Variants in DKK3 observed in about 807,000 individuals in gnomAD.
DKK3 encodes dickkopf-related protein 3.
A neutral mutation model predicts 33.2 loss-of-function variants in DKK3; 22 were observed. The observed-to-expected ratio is 0.66, with a 90% CI of 0.47 to 0.95. DKK3 has a LOEUF of 0.95. Among genes scored for constraint, DKK3 ranks in the 40% least tolerant of loss-of-function variants. DKK3 has a pLI of 0.00. For missense variants in DKK3, 398 were observed against 458.4 expected (o/e 0.87, Z 1.20); for synonymous variants, 194 against 188.8 (o/e 1.03, Z -0.23).
At position 11,987,646 on chromosome 11, in the gene DKK3, G is replaced by T. The variant is rs561111578; in HGVS notation, c.435+11050C>A. ...GTATGGCAGTGGATGGGCCACATGT[G>T]TTCCTTCCTGGTTCAGAGGAGTTCA... On this transcript the variant is annotated intron_variant, in intron 3 of 6. Transcript: ENST00000683431. 1.6e-3 allele frequency among the ~76,000 whole-genome samples: 240 copies of T among 152,348 alleles called. 1 individual carries two copies. The highest frequency in any genetic ancestry group is 2.7e-3 in the Non-Finnish European group (183 of 68,030).
intron 2 of DKK3, among the ~76,000 whole-genome samples, chr11:12,000,111 T>A (rs887987733): frequency 2.6e-5 from 4 of 152,254 alleles, no homozygotes; most frequent in African/African-American, 9.6e-5. Context: ...AAGAAGAATA[T>A]AAGTTTTCCA....
At position 11,965,796 on chromosome 11, in the gene DKK3, TA is replaced by T; in HGVS notation, c.830+12del. 1.2e-6 allele frequency: 2 copies of T among 1,613,126 alleles called. No individual in the cohort carries two copies. Among genetic ancestry groups the T allele is most frequent in the East Asian group, 4.5e-5 (2 of 44,882 alleles). ...CCCTTGGCTCCCTGAGAGTGAGGGT[TA>T]GGGGGCCTCACCTGTGGGGCTGGCA... On this transcript the variant is annotated intron_variant, in intron 6 of 6. Coordinates refer to ENST00000683431, the MANE Select transcript of DKK3 (RefSeq NM_001018057.2).
At chr11:12,004,240 G>C (rs1848492584) in intron 1 of DKK3, among the ~76,000 whole-genome samples, 1 of 152,162 alleles carries the variant, frequency 6.6e-6, no homozygotes, top group African/African-American at 2.4e-5. Flanking sequence ...ATAATACTGA[G>C]CTTCTCAGCT....
upstream of DKK3, chr11:12,009,347 C>A: frequency 3.4e-6 from 3 of 888,734 alleles, no homozygotes; most frequent in Non-Finnish European, 4.0e-6. Flanking sequence ...GCGCCCCGCC[C>A]GCCCACCAGG....
chr11:11,966,457 C>T (rs930614341), intron 5 of DKK3, among the ~76,000 whole-genome samples: 2 of 152,084 alleles, frequency 1.3e-5, no homozygotes, highest in African/African-American at 4.8e-5. Context: ...GGAGCAACAC[C>T]CAAAAAGCAG....
chr11:11,999,949 C>T (rs760949704), intron 2 of DKK3, among the ~76,000 whole-genome samples: 12 of 152,178 alleles, frequency 7.9e-5, no homozygotes, highest in Non-Finnish European at 1.8e-4. Flanking sequence ...AATAATTCCT[C>T]TCCCCAAATG....
rs61100251 is a variant in DKK3, at chr11:11,967,178, A to G, written c.529-80T>C. ...TGAGAGCCCAGCCTGAAGATACCAC[A>G]GATAGGCCAACCTGCATCCTCCCAT... On this transcript the variant is annotated intron_variant, in intron 4 of 6. Coordinates refer to ENST00000683431, the MANE Select transcript of DKK3 (RefSeq NM_001018057.2). The G allele has an allele frequency of 5.2e-3, 7,943 of 1,525,366 alleles. 357 individuals carry two copies. The African/African-American group carries it at 0.096, about 19-fold the overall frequency. The allele number at this position is 1,525,366 out of a possible 1,614,324, so 94.5% of individuals were successfully genotyped here.
At chr11:11,981,288 C>G (rs6485334) in intron 3 of DKK3, among the ~76,000 whole-genome samples, 36,740 of 152,070 alleles carry the variant, frequency 0.24, 4,693 homozygotes, top group Admixed American at 0.33. Context: ...AACAGCACTG[C>G]CTAGGGTTCC....
intron 3 of DKK3, among the ~76,000 whole-genome samples, chr11:11,977,873 G>GA (rs1470193371): frequency 5.9e-5 from 9 of 152,258 alleles, no homozygotes; most frequent in African/African-American, 2.2e-4. Context: ...TCAAAGTGGG[G>GA]AACCTCATGA....
At position 11,965,914 on chromosome 11, in the gene DKK3, T is replaced by A. The variant is rs1294949537; in HGVS notation, c.725A>T (p.His242Leu). 5 of 1,613,868 alleles carry A rather than the reference T, an allele frequency of 3.1e-6. No individual in the cohort carries two copies. The highest frequency in any genetic ancestry group is 3.4e-6 in the Non-Finnish European group (4 of 1,180,014). Residue 242 changes from histidine to leucine, a missense_variant, in exon 6 of 7, where the codon CAT (histidine) becomes CTT (leucine). Coordinates refer to ENST00000683431, the MANE Select transcript of DKK3 (RefSeq NM_001018057.2). ...GTCCAGAAGCCGGCTGGCGGGGTCA[T>A]GGCAAAGCTCGCCCTCCACGGGCAG... is the stretch of plus-strand genomic sequence containing the variant. ...TPLPVEGELC[H>L]DPASRLLDLI...
rs544121337 is a variant in DKK3, at chr11:12,007,885, C to G, written c.213+485G>C. On this transcript the variant is annotated intron_variant, in intron 1 of 6. Coordinates refer to ENST00000683431, the MANE Select transcript of DKK3 (RefSeq NM_001018057.2). ...CCACATTGCGTGAGAAGCAAGACAG[C>G]CCAGACAGACTGCCAGCAAAGCTCA... Among the ~76,000 whole-genome samples the G allele has an allele frequency of 2.6e-5, 4 of 152,308 alleles. No homozygotes were observed. The East Asian group carries it at 5.8e-4, about 22-fold the overall frequency.
At chr11:11,971,433 AG>A (rs1847723635) in intron 3 of DKK3, among the ~76,000 whole-genome samples, 1 of 152,210 alleles carries the variant, frequency 6.6e-6, no homozygotes, top group Non-Finnish European at 1.5e-5. Context: ...GCCTGTGCCC[AG>A]TACTGTGGCT....
chr11:12,008,112 C>T lies in DKK3; in HGVS notation c.213+258G>A, dbSNP rs1848575829. Among the ~76,000 whole-genome samples the T allele has an allele frequency of 6.6e-6, 1 of 151,936 alleles. No individual in the cohort carries two copies. Among genetic ancestry groups the T allele is most frequent in the African/African-American group, 2.4e-5 (1 of 41,352 alleles). On this transcript the variant is annotated intron_variant, in intron 1 of 6. Coordinates refer to ENST00000683431, the MANE Select transcript of DKK3 (RefSeq NM_001018057.2). The surrounding 1 kb of genome is among the most constrained non-coding windows in gnomAD (Gnocchi z 4.6). The stretch of plus-strand genomic sequence containing the variant: ...CGCCAACTGCAGGCAGGTGGTGGCC[C>T]CAGCTACCTAGGGAGGGTCCAGTGC...
chr11:11,985,090 C>A (rs1484878360), intron 3 of DKK3, among the ~76,000 whole-genome samples: 1 of 152,204 alleles, frequency 6.6e-6, no homozygotes, highest in Non-Finnish European at 1.5e-5. Context: ...AAACGTGGAA[C>A]TCCAGCTCCA....
chr11:11,992,485 C>A (rs142425065), intron 3 of DKK3, among the ~76,000 whole-genome samples: 1 of 152,332 alleles, frequency 6.6e-6, no homozygotes, highest in Non-Finnish European at 1.5e-5. Context: ...CCCCACCACC[C>A]ACCCTCTGTG....
rs1848575641 is a variant in DKK3, at chr11:12,008,110, C to G, written c.213+260G>C. Among the ~76,000 whole-genome samples the G allele has an allele frequency of 6.6e-6, 1 of 151,974 alleles. No homozygotes were observed. Among genetic ancestry groups the G allele is most frequent in the African/African-American group, 2.4e-5 (1 of 41,372 alleles). On this transcript the variant is annotated intron_variant, in intron 1 of 6. Transcript: ENST00000683431. The surrounding 1 kb of genome is among the most constrained non-coding windows in gnomAD (Gnocchi z 4.6). The stretch of plus-strand genomic sequence containing the variant: ...GACGCCAACTGCAGGCAGGTGGTGG[C>G]CCCAGCTACCTAGGGAGGGTCCAGT...
intron 3 of DKK3, among the ~76,000 whole-genome samples, chr11:11,986,277 G>C (rs1175350633): frequency 6.6e-6 from 1 of 152,094 alleles, no homozygotes; most frequent in Non-Finnish European, 1.5e-5. Context: ...TTTCCACATC[G>C]CATCACTGAA....
In DKK3 at chr11:12,008,257, CAGGCCCTGCGCGGGACCCG is replaced by C; in HGVS notation, c.213+94_213+112del. ...CTCCGCATCTGCTGTCGGCCCTTCC[CAGGCCCTGCGCGGGACCCG>C]AGGTCCCTGGCCAGCGCTCTTCCAT... On this transcript the variant is annotated intron_variant, in intron 1 of 6. Transcript: ENST00000683431. The surrounding 1 kb of genome is among the most constrained non-coding windows in gnomAD (Gnocchi z 4.6). The C allele has an allele frequency of 7.2e-7, 1 of 1,381,880 alleles. No homozygotes were observed. The highest frequency in any genetic ancestry group is 1.4e-5 in the South Asian group (1 of 69,206). 85.6% of individuals were successfully genotyped at this position (1,381,880 alleles called of 1,614,324 possible).
chr11:12,007,194 G>A (rs1848554171), intron 1 of DKK3, among the ~76,000 whole-genome samples: 1 of 152,310 alleles, frequency 6.6e-6, no homozygotes, highest in Non-Finnish European at 1.5e-5. Flanking sequence ...ACAAAGGGCT[G>A]CGGGGAGAAA....
Sources: allele counts gnomAD v4.1 joint callset (sites outside exome capture counted in the v4.1 genomes callset), GRCh38; gene constraint gnomAD v4.1.1; non-coding constraint Gnocchi (gnomAD v3.1); transcripts MANE v1.5; gene names NCBI Gene and HGNC (gene_info 2026-07-23, HGNC 2026-07-21).